WIPI1: variants seen among roughly 807,000 people sequenced by gnomAD.
WIPI1 encodes the protein WD repeat domain phosphoinositide-interacting protein 1.
WIPI1 carries 45 observed loss-of-function variants against 55.3 expected under a neutral mutation model. That is an observed-to-expected ratio of 0.81 (90% CI 0.64 to 1.04). The LOEUF (loss-of-function observed/expected upper bound fraction) is 1.04. Ranked by LOEUF, WIPI1 falls within the 50% of genes least tolerant of loss-of-function variation. The pLI is 0.00. For synonymous variants in WIPI1, 195 were observed against 217.6 expected, an observed-to-expected ratio of 0.90 and a Z score of 0.92; for missense variants, 445 against 559.0, an observed-to-expected ratio of 0.80 and a Z score of 2.06.
chr17:68,426,254 G>GGGCCCC, intron 11 of WIPI1, 79 bp from the exon 12 acceptor site: 1 of 816,916 alleles, frequency 1.2e-6, no homozygotes, highest in East Asian at 3.5e-5. Flanking sequence ...GGGAGCGGGG[G>GGGCCCC]CTCAAATAAA....
At position 68,450,889 on chromosome 17, in the gene WIPI1, G is replaced by A. The variant is rs1437171000; in HGVS notation, c.172C>T (p.Pro58Ser). ...LDQVHGSNEI[P>S]DVYIVERLFS... is the part of the protein sequence containing the mutation. ...AGGCGCTCCACGATGTAGACGTCCG[G>A]GATTTCATCTGGGAGGAAAAGCAGC... Residue 58 changes from proline to serine, a missense_variant, in exon 3 of 13, where the codon CCG (proline) becomes TCG (serine). Pro to Ser is a moderately conservative substitution (Grantham distance 74). Coordinates refer to ENST00000262139, the MANE Select transcript of WIPI1 (RefSeq NM_017983.7). 6.2e-7 allele frequency: 1 copy of A among 1,611,552 alleles called. No individual in the cohort carries two copies. The highest frequency in any genetic ancestry group is 8.5e-7 in the Non-Finnish European group (1 of 1,179,036).
intron 4 of WIPI1, among the ~76,000 whole-genome samples, chr17:68,439,071 T>TAAAC (rs1391721198): frequency 3.9e-5 from 6 of 152,174 alleles, no homozygotes; most frequent in Non-Finnish European, 5.9e-5. Context: ...TCTGGAACGT[T>TAAAC]TAGCAGTTCT....
rs543959753 is a variant in WIPI1, at chr17:68,423,290, A to G, written c.1294-1470T>C. ...GCTGAACATTTCTGCCAATTCAGGCATGACTGAGATGGGCCATATTGATAG... is the reference window on the plus strand; with the variant it reads ...GCTGAACATTTCTGCCAATTCAGGCGTGACTGAGATGGGCCATATTGATAG... On this transcript the variant is annotated intron_variant, in intron 12 of 12. Coordinates refer to ENST00000262139, the MANE Select transcript of WIPI1 (RefSeq NM_017983.7). This position sits in a 1 kb window ranked among gnomAD's most constrained non-coding sequence, Gnocchi z 4.4. Among the ~76,000 whole-genome samples the G allele has an allele frequency of 1.3e-3, 196 of 152,360 alleles. 1 individual carries two copies. Among genetic ancestry groups the G allele is most frequent in the African/African-American group, 4.7e-3 (194 of 41,586 alleles).
At chr17:68,428,711 A>C (rs2083366989) in intron 10 of WIPI1, 118 bp downstream of exon 10, 1 of 762,508 alleles carries the variant, frequency 1.3e-6, no homozygotes, top group African/African-American at 1.7e-5. Context: ...TTTGCCACTG[A>C]GACTGCCAGT....
chr17:68,446,135 AG>A (rs1229033269), intron 3 of WIPI1, among the ~76,000 whole-genome samples: 1 of 152,174 alleles, frequency 6.6e-6, no homozygotes, highest in Non-Finnish European at 1.5e-5. Context: ...AGAATGATGA[AG>A]GTCATCAGTG....
chr17:68,421,653 C>CA lies in WIPI1; in HGVS notation c.*119dup, dbSNP rs2082781692. On this transcript the variant is annotated 3_prime_UTR_variant, in exon 13 of 13. Transcript: ENST00000262139. ...AGGTCCTGTGGTTTAAGCAGTGGAG[C>CA]ACCCGGGATTCCTGCCCCCCTTTCT... The CA allele has an allele frequency of 2.8e-6, 4 of 1,410,172 alleles. No individual in the cohort carries two copies. The South Asian group carries it at 4.7e-5, about 16-fold the overall frequency. The allele number at this position is 1,410,172 out of a possible 1,614,324, so 87.4% of individuals were successfully genotyped here.
chr17:68,427,332 G>A, intron 10 of WIPI1, 79 bp from the exon 11 acceptor site: 2 of 1,069,106 alleles, frequency 1.9e-6, no homozygotes, highest in Non-Finnish European at 2.9e-6. Context: ...GGAAAAGCAT[G>A]AAGAAGCCTG....
At chr17:68,454,976 T>A (rs1485523826) in intron 1 of WIPI1, among the ~76,000 whole-genome samples, 2 of 152,200 alleles carry the variant, frequency 1.3e-5, no homozygotes, top group Admixed American at 1.3e-4. Flanking sequence ...CCTTATTTCA[T>A]CCATAAAGTC....
At chr17:68,436,929 G>C (rs990290129) in intron 4 of WIPI1, among the ~76,000 whole-genome samples, 1 of 151,994 alleles carries the variant, frequency 6.6e-6, no homozygotes, top group African/African-American at 2.4e-5. Context: ...AGGAGGCAAA[G>C]GTTGCAGTGA....
chr17:68,454,335 A>C (rs1226809447), intron 1 of WIPI1, among the ~76,000 whole-genome samples: 1 of 152,196 alleles, frequency 6.6e-6, no homozygotes, highest in Non-Finnish European at 1.5e-5. Flanking sequence ...AAAATAAGCA[A>C]CTTACTATTA....
Position 68,433,371 on chromosome 17 carries a change from G to A in WIPI1, c.800+97C>T, listed in dbSNP as rs1444291747. The A allele has an allele frequency of 1.4e-5, 16 of 1,126,342 alleles. No individual in the cohort carries two copies. The East Asian group carries it at 3.8e-4, about 27-fold the overall frequency. 69.8% of individuals were successfully genotyped at this position (1,126,342 alleles called of 1,614,324 possible). Reference sequence around the variant, plus strand: ...GAAGTCCCAAGTGAAGCCAAGATTGGGTGTTCAGAAAGAAAAGAGATCATT... The same window carrying A: ...GAAGTCCCAAGTGAAGCCAAGATTGAGTGTTCAGAAAGAAAAGAGATCATT... On this transcript the variant is annotated intron_variant, in intron 8 of 12. Transcript: ENST00000262139.
chr17:68,442,811 G>T (rs1005190121), intron 4 of WIPI1, among the ~76,000 whole-genome samples: 2 of 152,190 alleles, frequency 1.3e-5, no homozygotes, highest in African/African-American at 4.8e-5. Flanking sequence ...AAAGGCTGCT[G>T]GCGCACCTGT....
At chr17:68,443,797 T>C (rs2084175881) in intron 4 of WIPI1, among the ~76,000 whole-genome samples, 2 of 152,226 alleles carry the variant, frequency 1.3e-5, no homozygotes, top group Admixed American at 6.5e-5. Context: ...CAAATATTAA[T>C]CTGGAGTCAT....
At chr17:68,457,204 C>T in intron 1 of WIPI1, 138 bp downstream of exon 1, 1 of 1,007,466 alleles carries the variant, frequency 9.9e-7, no homozygotes. Context: ...AACAAGATCC[C>T]AATGCGTCCG....
intron 4 of WIPI1, among the ~76,000 whole-genome samples, chr17:68,444,103 G>A (rs2084188308): frequency 6.6e-6 from 1 of 152,112 alleles, no homozygotes; most frequent in African/African-American, 2.4e-5. Flanking sequence ...ATGCAGACAC[G>A]CCAAGTTGAA....
At position 68,436,473 on chromosome 17, in the gene WIPI1, C is replaced by T; in HGVS notation, c.437G>A (p.Cys146Tyr). Residue 146 changes from cysteine (C) to tyrosine (Y), a missense_variant, in exon 5 of 13, where the codon TGT becomes TAT. Transcript: ENST00000262139. ...LDIPANPTGL[C>Y]ALSINHSNSY... is the part of the protein sequence containing the mutation. ...ATTGGAATGGTTGATAGAGAGAGCA[C>T]ATAGACCTGGCAAAGAAGAAACAGA... The T allele has an allele frequency of 6.2e-7, 1 of 1,613,828 alleles. No homozygotes were observed. Among genetic ancestry groups the T allele is most frequent in the East Asian group, 2.2e-5 (1 of 44,874 alleles).
chr17:68,422,600 ATGC>A, intron 12 of WIPI1: 1 of 151,878 alleles, frequency 6.6e-6, no homozygotes. Context: ...GCATGGTAGC[ATGC>A]CTGAAACCCC....
At chr17:68,445,675 C>T (rs765449210) in intron 3 of WIPI1, among the ~76,000 whole-genome samples, 1 of 152,226 alleles carries the variant, frequency 6.6e-6, no homozygotes, top group Admixed American at 6.5e-5. Flanking sequence ...TAAGTGAAAA[C>T]AGGCCACAGG....
chr17:68,426,242 T>C, intron 11 of WIPI1, 67 bp from the exon 12 acceptor site: 9 of 668,982 alleles, frequency 1.3e-5, no homozygotes, highest in Non-Finnish European at 1.8e-5. Context: ...ACCTGGCGGG[T>C]GGGGAGCGGG....
Sources: allele counts gnomAD v4.1 joint callset (sites outside exome capture counted in the v4.1 genomes callset), GRCh38; gene constraint gnomAD v4.1.1; non-coding constraint Gnocchi (gnomAD v3.1); transcripts MANE v1.5; gene names NCBI Gene and HGNC (gene_info 2026-07-23, HGNC 2026-07-21).